The following TASP1 variants were observed in gnomAD, a reference collection of about 807,000 sequenced individuals.
TASP1 encodes the protein threonine aspartase 1.
TASP1 carries 16 observed loss-of-function variants against 56.6 expected under a neutral mutation model. That is an observed-to-expected ratio of 0.28 (90% CI 0.19 to 0.43). The LOEUF (loss-of-function observed/expected upper bound fraction) is 0.43, where lower values mean the gene tolerates loss of function less well. TASP1 is among the 20% of genes least tolerant of loss of function. The pLI, the probability that TASP1 is intolerant of heterozygous loss-of-function variation, is 1.00. For missense variants in TASP1, 393 were observed against 511.6 expected, an observed-to-expected ratio of 0.77 and a Z score of 2.24; for synonymous variants, 179 against 184.2, an observed-to-expected ratio of 0.97 and a Z score of 0.23.
the TASP1 span, chr20:13,110,235 C>T: frequency 6.2e-7 from 1 of 1,604,744 alleles, no homozygotes; most frequent in Non-Finnish European, 8.5e-7. Context: ...AATAACAGGA[C>T]ACATTTTACG....
At chr20:13,560,126 T>C (rs2046296609) in intron 7 of TASP1, among the ~76,000 whole-genome samples, 1 of 152,226 alleles carries the variant, frequency 6.6e-6, no homozygotes. Flanking sequence ...ATACAAATTT[T>C]AACAGCCAAT....
chr20:13,316,248 AACAG>A, the TASP1 span, among the ~76,000 whole-genome samples: 1 of 152,120 alleles, frequency 6.6e-6, no homozygotes, highest in East Asian at 1.9e-4. Context: ...CACAAGAAGG[AACAG>A]ACAATCTGAA....
chr20:13,505,088 T>C (rs1382439418), intron 10 of TASP1, among the ~76,000 whole-genome samples: 3 of 152,000 alleles, frequency 2.0e-5, no homozygotes, highest in African/African-American at 7.2e-5. Flanking sequence ...GAAAAAAAGA[T>C]ATAAATGAAA....
At chr20:13,292,933 A>G in the TASP1 span, among the ~76,000 whole-genome samples, 4 of 152,270 alleles carry the variant, frequency 2.6e-5, no homozygotes, top group East Asian at 7.7e-4. Flanking sequence ...GCGGTGGGTC[A>G]TGCCTATAAT....
At chr20:13,351,785 T>C in the TASP1 span, among the ~76,000 whole-genome samples, 1 of 152,288 alleles carries the variant, frequency 6.6e-6, no homozygotes, top group African/African-American at 2.4e-5. Context: ...TAAATTGAAA[T>C]TTTTTCAAAT....
chr20:13,522,964 C>T (rs2044823388), intron 10 of TASP1, among the ~76,000 whole-genome samples: 1 of 152,088 alleles, frequency 6.6e-6, no homozygotes, highest in African/African-American at 2.4e-5. Flanking sequence ...ATTTGAGCAA[C>T]CGTGTCAAAT....
chr20:13,297,491 TG>T, the TASP1 span, among the ~76,000 whole-genome samples: 11 of 152,230 alleles, frequency 7.2e-5, no homozygotes, highest in Admixed American at 5.2e-4. Flanking sequence ...TCTCAGGGTC[TG>T]GGGTAACCCA....
the TASP1 span, among the ~76,000 whole-genome samples, chr20:13,195,367 G>A: frequency 6.6e-6 from 1 of 152,134 alleles, no homozygotes; most frequent in Non-Finnish European, 1.5e-5. Context: ...TGCCCTGAGT[G>A]TTTTCTCTAG....
the TASP1 span, among the ~76,000 whole-genome samples, chr20:13,189,871 T>C: frequency 6.6e-6 from 1 of 152,166 alleles, no homozygotes; most frequent in Admixed American, 6.5e-5. Context: ...CACAGCACTA[T>C]TCATAATAGC....
chr20:13,506,897 AG>A (rs1568523233), intron 10 of TASP1, among the ~76,000 whole-genome samples: 1 of 140,340 alleles, frequency 7.1e-6, no homozygotes, highest in African/African-American at 3.3e-5. Context: ...AAAAAACAAA[AG>A]AGAGAGAATT....
At chr20:13,614,846 C>T (rs537798956) in intron 4 of TASP1, 1 of 470,176 alleles carries the variant, frequency 2.1e-6, no homozygotes, top group South Asian at 1.6e-5. Flanking sequence ...AGTTAGCACA[C>T]ACAGTACCTG....
At chr20:13,559,820 C>T (rs1385535597) in intron 7 of TASP1, among the ~76,000 whole-genome samples, 2 of 152,184 alleles carry the variant, frequency 1.3e-5, no homozygotes, top group East Asian at 3.9e-4. Context: ...CAAAGAACTC[C>T]CATGTTTCAA....
At chr20:13,200,871 T>C in the TASP1 span, among the ~76,000 whole-genome samples, 1 of 152,252 alleles carries the variant, frequency 6.6e-6, no homozygotes, top group African/African-American at 2.4e-5. Flanking sequence ...AAGAGGCTAT[T>C]ATGCCGAGGC....
chr20:13,161,788 G>A, the TASP1 span, among the ~76,000 whole-genome samples: 1 of 152,090 alleles, frequency 6.6e-6, no homozygotes, highest in African/African-American at 2.4e-5. Context: ...GAGTAAAGAG[G>A]ATAACTTGAG....
the TASP1 span, among the ~76,000 whole-genome samples, chr20:13,364,839 C>T: frequency 6.6e-6 from 1 of 152,192 alleles, no homozygotes; most frequent in Non-Finnish European, 1.5e-5. Flanking sequence ...CTTGGCCCCA[C>T]AGCAGGTTTC....
chr20:13,377,621 T>C, the TASP1 span, among the ~76,000 whole-genome samples: 1 of 152,230 alleles, frequency 6.6e-6, no homozygotes, highest in Admixed American at 6.5e-5. Flanking sequence ...TCTTTTTCTA[T>C]TGTTTGGAAT....
intron 13 of TASP1, among the ~76,000 whole-genome samples, chr20:13,402,535 G>A (rs1224601513): frequency 1.3e-5 from 2 of 152,250 alleles, no homozygotes; most frequent in East Asian, 1.9e-4. Context: ...TGGCTGTCTC[G>A]GATGTTTTCT....
the TASP1 span, among the ~76,000 whole-genome samples, chr20:13,319,892 G>A: frequency 6.6e-6 from 1 of 152,196 alleles, no homozygotes; most frequent in Admixed American, 6.5e-5. Context: ...CTCAGGTCCT[G>A]CAGAGATTGT....
the TASP1 span, among the ~76,000 whole-genome samples, chr20:13,125,813 C>T: frequency 6.6e-6 from 1 of 152,172 alleles, no homozygotes; most frequent in Non-Finnish European, 1.5e-5. Context: ...ATCACCTCTG[C>T]CATATATTAC....
Sources: gnomAD v4.1 joint callset for allele counts (sites outside exome capture counted in the v4.1 genomes callset) on GRCh38, gnomAD v4.1.1 for gene constraint, MANE v1.5 for transcripts, NCBI Gene and HGNC (gene_info 2026-07-23, HGNC 2026-07-21) for gene names.